The following STK3 variants were observed in gnomAD, a reference collection of about 807,000 sequenced individuals.
STK3 encodes serine/threonine-protein kinase 3.
Under a neutral mutation model 58.0 loss-of-function variants are expected in STK3, and 41 were observed. The ratio of observed to expected loss-of-function variants is 0.71; its 90% CI spans 0.55 to 0.92. The LOEUF is 0.92. Among genes scored for constraint, STK3 ranks in the 40% least tolerant of loss-of-function variants. The probability of loss-of-function intolerance (pLI) is 0.00; values close to 1 mark genes in which losing one functional copy is unlikely to be tolerated. For missense variants in STK3, 479 were observed against 602.7 expected, an observed-to-expected ratio of 0.79 and a Z score of 2.15; for synonymous variants, 170 against 191.0, an observed-to-expected ratio of 0.89 and a Z score of 0.91.
intron 8 of STK3, among the ~76,000 whole-genome samples, chr8:98,566,070 C>T (rs1812457682): frequency 1.3e-5 from 2 of 152,136 alleles, no homozygotes; most frequent in African/African-American, 4.8e-5. Flanking sequence ...ATTACCTCAG[C>T]ACCTATCAAA....
intron 3 of STK3, among the ~76,000 whole-genome samples, chr8:98,855,879 G>T (rs974353577): frequency 6.6e-6 from 1 of 151,860 alleles, no homozygotes; most frequent in African/African-American, 2.4e-5. Flanking sequence ...AAATTAGGCC[G>T]GGCATGGTGG....
At chr8:98,919,099 T>A (rs995464540) in intron 1 of STK3, among the ~76,000 whole-genome samples, 1 of 152,112 alleles carries the variant, frequency 6.6e-6, no homozygotes, top group African/African-American at 2.4e-5. Flanking sequence ...TGTAACAGTT[T>A]ATGAACCCTA....
intron 1 of STK3, among the ~76,000 whole-genome samples, chr8:98,892,949 C>T (rs1020501035): frequency 9.9e-5 from 15 of 152,014 alleles, no homozygotes; most frequent in African/African-American, 2.4e-4. Context: ...ATATTTGAGA[C>T]GGTTAATGAA....
At chr8:98,456,811 C>T (rs912474355) in intron 10 of STK3, among the ~76,000 whole-genome samples, 5 of 152,274 alleles carry the variant, frequency 3.3e-5, no homozygotes, top group Admixed American at 6.5e-5. Flanking sequence ...TTTTATGAGT[C>T]AAGCTAGGAA....
At chr8:98,511,695 T>A (rs564596138) in intron 10 of STK3, among the ~76,000 whole-genome samples, 2 of 152,266 alleles carry the variant, frequency 1.3e-5, no homozygotes, top group South Asian at 4.1e-4. Flanking sequence ...AAATGTATTA[T>A]CAATCTGAAC....
chr8:98,857,268 C>G (rs1836718251), intron 3 of STK3, among the ~76,000 whole-genome samples: 1 of 152,124 alleles, frequency 6.6e-6, no homozygotes, highest in South Asian at 2.1e-4. Flanking sequence ...CAAATCCACC[C>G]AAGGGTTGTA....
intron 6 of STK3, among the ~76,000 whole-genome samples, chr8:98,623,290 C>G (rs2130419069): frequency 6.6e-6 from 1 of 152,252 alleles, no homozygotes; most frequent in South Asian, 2.1e-4. Context: ...CTGTTACGGA[C>G]TGAATTGTGT....
chr8:98,543,431 G>A (rs1485069361), intron 9 of STK3, among the ~76,000 whole-genome samples: 1 of 152,106 alleles, frequency 6.6e-6, no homozygotes, highest in Non-Finnish European at 1.5e-5. Context: ...CCTCACAAGT[G>A]AGAAACTATG....
chr8:98,605,339 C>T (rs934236291), intron 6 of STK3, among the ~76,000 whole-genome samples: 2 of 151,872 alleles, frequency 1.3e-5, no homozygotes, highest in Admixed American at 6.6e-5. Flanking sequence ...GCTCATGGTT[C>T]TGCAGGCTGT....
At chr8:98,666,767 A>C (rs1014659313) in intron 6 of STK3, among the ~76,000 whole-genome samples, 4 of 152,178 alleles carry the variant, frequency 2.6e-5, no homozygotes, top group African/African-American at 9.6e-5. Context: ...GTTTTATTAC[A>C]TCTAAGTCTC....
chr8:98,714,182 G>A (rs756256628), intron 4 of STK3, among the ~76,000 whole-genome samples: 26 of 152,154 alleles, frequency 1.7e-4, no homozygotes, highest in Non-Finnish European at 2.1e-4. Context: ...CATACTGAAT[G>A]GGCAAAAACT....
In STK3 at chr8:98,479,380, G is replaced by A. The variant is rs543409091; in HGVS notation, c.1318-23380C>T. Among the ~76,000 whole-genome samples the A allele has an allele frequency of 9.3e-4, 141 of 151,384 alleles. 3 individuals are homozygous for A. The highest frequency in any genetic ancestry group is 8.9e-3 in the Admixed American group (135 of 15,218). On this transcript the variant is annotated intron_variant, in intron 10 of 10. Transcript: ENST00000419617. ...TGGGTGCCTGTAATCCCAGTGACTC[G>A]GGAGGCTGAGGCAGCAGAATTGCTT...
At chr8:98,883,604 G>T (rs892177339), downstream of STK3, 1 of 697,424 alleles carries the variant, frequency 1.4e-6, no homozygotes, top group Non-Finnish European at 2.6e-6. Flanking sequence ...CACCAAAACT[G>T]CTGCCTGGTC....
At chr8:98,858,290 G>GTGTA (rs1554691248) in intron 3 of STK3, among the ~76,000 whole-genome samples, 1 of 34,370 alleles carries the variant, frequency 2.9e-5, no homozygotes, top group Non-Finnish European at 4.6e-5. Context: ...ACATACATAC[G>GTGTA]TATATATATA....
chr8:98,818,575 T>C (rs2131718519), intron 1 of STK3, among the ~76,000 whole-genome samples: 1 of 151,836 alleles, frequency 6.6e-6, no homozygotes, highest in South Asian at 2.1e-4. Flanking sequence ...TGTGTGTGTA[T>C]CAAGATAGCA....
intron 10 of STK3, among the ~76,000 whole-genome samples, chr8:98,500,436 A>T (rs768676723): frequency 6.6e-6 from 1 of 152,160 alleles, no homozygotes; most frequent in African/African-American, 2.4e-5. Flanking sequence ...ATAGGTATAC[A>T]TGTGCCATGT....
intron 1 of STK3, among the ~76,000 whole-genome samples, chr8:98,807,633 T>G (rs1484561706): frequency 6.6e-6 from 1 of 152,138 alleles, no homozygotes; most frequent in Non-Finnish European, 1.5e-5. Context: ...TCAAAAGTAT[T>G]TGTGGGTCAT....
chr8:98,847,914 C>T (rs185095691), intron 3 of STK3, among the ~76,000 whole-genome samples: 49 of 152,162 alleles, frequency 3.2e-4, no homozygotes, highest in Admixed American at 8.5e-4. Flanking sequence ...CTTAGTTATC[C>T]TACAGGTATC....
chr8:98,691,417 G>A (rs1824392986), intron 6 of STK3, among the ~76,000 whole-genome samples: 1 of 152,092 alleles, frequency 6.6e-6, no homozygotes, highest in African/African-American at 2.4e-5. Context: ...ACAGTGAAAA[G>A]CATTCTGATT....
Sources: allele counts gnomAD v4.1 joint callset (sites outside exome capture counted in the v4.1 genomes callset), GRCh38; gene constraint gnomAD v4.1.1; transcripts MANE v1.5; gene names NCBI Gene and HGNC (gene_info 2026-07-23, HGNC 2026-07-21).